The following PTPRG variants were observed in gnomAD, a reference collection of about 807,000 sequenced individuals.
The protein encoded by PTPRG is protein tyrosine phosphatase receptor type G, also known as receptor-type tyrosine-protein phosphatase gamma.
In PTPRG, 102 loss-of-function variants were observed where a neutral mutation model predicts 165.3. That is an observed-to-expected ratio of 0.62 (90% CI 0.53 to 0.73). PTPRG has a LOEUF of 0.73. Among genes scored for constraint, PTPRG ranks in the 30% least tolerant of loss-of-function variants. PTPRG has a pLI of 0.00. For synonymous variants in PTPRG, 675 were observed against 669.5 expected, an observed-to-expected ratio of 1.01 and a Z score of -0.13; for missense variants, 1,866 against 1,861.4, an observed-to-expected ratio of 1.00 and a Z score of -0.05.
At chr3:62,244,917 T>C (rs1347385473) in intron 15 of PTPRG, among the ~76,000 whole-genome samples, 1 of 152,240 alleles carries the variant, frequency 6.6e-6, no homozygotes, top group East Asian at 1.9e-4. Flanking sequence ...AGAGTCATTC[T>C]TTGGGTACCA....
intron 16 of PTPRG, among the ~76,000 whole-genome samples, chr3:62,257,018 A>C (rs1701551892): frequency 6.6e-6 from 1 of 152,128 alleles, no homozygotes; most frequent in Non-Finnish European, 1.5e-5. Context: ...TGGAATGGGG[A>C]GGGCAGGCAG....
Position 61,941,200 on chromosome 3 carries a change from C to A in PTPRG, c.191-48425C>A, listed in dbSNP as rs115780725. Reference sequence around the variant, plus strand: ...CATACTTGTCATAATAATCCAGCAACCATTGTCCTGCAGTCGTCCAACATG... The same window carrying A: ...CATACTTGTCATAATAATCCAGCAAACATTGTCCTGCAGTCGTCCAACATG... On this transcript the variant is annotated intron_variant, in intron 2 of 29. Transcript: ENST00000474889. Among the ~76,000 whole-genome samples the A allele has an allele frequency of 6.1e-3, 932 of 152,340 alleles. 6 individuals are homozygous for A. The highest frequency in any genetic ancestry group is 0.021 in the African/African-American group (880 of 41,568).
chr3:61,981,786 A>G (rs1172193435), intron 2 of PTPRG, among the ~76,000 whole-genome samples: 7 of 152,216 alleles, frequency 4.6e-5, no homozygotes, highest in Admixed American at 3.9e-4. Flanking sequence ...TGTAATTTAC[A>G]TGTAACAAAA....
intron 17 of PTPRG, among the ~76,000 whole-genome samples, chr3:62,266,666 CT>C (rs1269053635): frequency 2.0e-5 from 3 of 151,666 alleles, no homozygotes; most frequent in Non-Finnish European, 2.9e-5. Flanking sequence ...CATTGGACTT[CT>C]TTTTCAACTA....
At chr3:61,900,318 T>C (rs2038465708) in intron 2 of PTPRG, among the ~76,000 whole-genome samples, 1 of 152,226 alleles carries the variant, frequency 6.6e-6, no homozygotes, top group African/African-American at 2.4e-5. Flanking sequence ...AATTTGAGAA[T>C]TTAATTAGAA....
At chr3:61,707,375 C>T (rs2106732035) in intron 1 of PTPRG, among the ~76,000 whole-genome samples, 1 of 152,288 alleles carries the variant, frequency 6.6e-6, no homozygotes, top group South Asian at 2.1e-4. Context: ...CCAAGATCTG[C>T]CTGTTGGCCA....
chr3:61,738,324 A>G (rs6808163), intron 1 of PTPRG, among the ~76,000 whole-genome samples: 43,636 of 92,592 alleles, frequency 0.47, 15,026 homozygotes, highest in East Asian at 0.69. Flanking sequence ...ATATATATAT[A>G]TATATATATA....
chr3:62,001,598 C>T (rs187661699), intron 3 of PTPRG, among the ~76,000 whole-genome samples: 9 of 150,986 alleles, frequency 6.0e-5, no homozygotes, highest in Non-Finnish European at 1.3e-4. Context: ...TTTATTATAT[C>T]TGTATATATA....
intron 5 of PTPRG, chr3:62,124,392 A>T: frequency 6.2e-6 from 10 of 1,613,746 alleles, no homozygotes; most frequent in Non-Finnish European, 8.5e-6. Context: ...TGCAGGTCCA[A>T]GATGTAGTCG....
At position 62,292,463 on chromosome 3, in the gene PTPRG, CCTGTCCCAGCAA is replaced by C. The variant is rs1460043397; in HGVS notation, c.4102_4113del (p.Ser1368_Leu1371del). The stretch of plus-strand genomic sequence containing the variant: ...CAGGAATGTTATGTGCCCTTACCAC[CCTGTCCCAGCAA>C]CTGGAGAATGAAAATGCTGTGGATG... On this transcript the variant is annotated inframe_deletion, in exon 29 of 30. Transcript: ENST00000474889. The C allele has an allele frequency of 6.2e-7, 1 of 1,613,518 alleles. No homozygotes were observed. Among genetic ancestry groups the C allele is most frequent in the Non-Finnish European group, 8.5e-7 (1 of 1,179,708 alleles).
chr3:61,979,085 T>G (rs2040575711), intron 2 of PTPRG, among the ~76,000 whole-genome samples: 1 of 152,228 alleles, frequency 6.6e-6, no homozygotes, highest in Non-Finnish European at 1.5e-5. Flanking sequence ...ATAGTGAATA[T>G]TCTCCAAATG....
chr3:61,726,947 T>C (rs1024176673), intron 1 of PTPRG, among the ~76,000 whole-genome samples: 1 of 150,756 alleles, frequency 6.6e-6, no homozygotes, highest in African/African-American at 2.4e-5. Context: ...CTCGGGAGAC[T>C]GAGACAGGAG....
At chr3:62,028,350 C>T (rs906166825) in intron 4 of PTPRG, among the ~76,000 whole-genome samples, 1 of 152,086 alleles carries the variant, frequency 6.6e-6, no homozygotes, top group Non-Finnish European at 1.5e-5. Context: ...TTGAATCTGT[C>T]ATATTCTAGG....
At chr3:61,919,521 G>T (rs55817613) in intron 2 of PTPRG, among the ~76,000 whole-genome samples, 1 of 152,170 alleles carries the variant, frequency 6.6e-6, no homozygotes, top group African/African-American at 2.4e-5. Context: ...TTAATGATGA[G>T]CATGAATTGG....
chr3:62,260,348 T>C (rs973752000), intron 16 of PTPRG, among the ~76,000 whole-genome samples: 3 of 152,310 alleles, frequency 2.0e-5, no homozygotes, highest in Middle Eastern at 3.4e-3. Flanking sequence ...TGAGCCACAG[T>C]ATAGTAGGAC....
chr3:61,766,062 T>C (rs2034005501), intron 2 of PTPRG, among the ~76,000 whole-genome samples: 1 of 152,220 alleles, frequency 6.6e-6, no homozygotes, highest in Admixed American at 6.5e-5. Context: ...CTAATATATC[T>C]ATCTCAATAC....
intron 1 of PTPRG, among the ~76,000 whole-genome samples, chr3:61,648,209 A>G (rs1434110683): frequency 2.0e-5 from 3 of 152,208 alleles, no homozygotes; most frequent in Non-Finnish European, 2.9e-5. Context: ...TTAAAATAAC[A>G]TATTAGGAGA....
intron 8 of PTPRG, among the ~76,000 whole-genome samples, chr3:62,188,917 TG>T (rs1699732225): frequency 6.6e-6 from 1 of 152,168 alleles, no homozygotes. Flanking sequence ...TTTGGAACGC[TG>T]GGGGTGTAGC....
chr3:62,224,346 G>A lies in PTPRG; in HGVS notation c.2288+5363G>A, dbSNP rs1700715313. Among the ~76,000 whole-genome samples, 1 of 152,138 alleles carries A rather than the reference G, an allele frequency of 6.6e-6. No homozygotes were observed. Among genetic ancestry groups the A allele is most frequent in the African/African-American group, 2.4e-5 (1 of 41,422 alleles). Reference sequence around the variant, plus strand: ...ACGTGAGGTCTGACAGGGTTGAGCCGCCCTCCTCCACCAGTGGTTTCTCTT... The same window carrying A: ...ACGTGAGGTCTGACAGGGTTGAGCCACCCTCCTCCACCAGTGGTTTCTCTT... On this transcript the variant is annotated intron_variant, in intron 13 of 29. Coordinates refer to ENST00000474889, the MANE Select transcript of PTPRG (RefSeq NM_002841.4). This position sits in a 1 kb window ranked among gnomAD's most constrained non-coding sequence, Gnocchi z 4.9.
Sources: allele counts gnomAD v4.1 joint callset (sites outside exome capture counted in the v4.1 genomes callset), GRCh38; gene constraint gnomAD v4.1.1; non-coding constraint Gnocchi (gnomAD v3.1); transcripts MANE v1.5; gene names NCBI Gene and HGNC (gene_info 2026-07-23, HGNC 2026-07-21).